ATP2B2: variants seen among roughly 807,000 people sequenced by gnomAD.
ATP2B2 encodes the protein plasma membrane calcium-transporting ATPase 2.
In ATP2B2, 15 loss-of-function variants were observed where a neutral mutation model predicts 120.0. That is an observed-to-expected ratio of 0.12 (90% CI 0.08 to 0.19). ATP2B2 has a LOEUF of 0.19. Ranked by LOEUF, ATP2B2 falls within the 10% of genes least tolerant of loss-of-function variation. The pLI is 1.00. For synonymous variants in ATP2B2, 694 were observed against 700.3 expected (o/e 0.99, Z 0.14); for missense variants, 1,045 against 1,719.8 (o/e 0.61, Z 6.94).
intron 7 of ATP2B2, 37 bp downstream of exon 7, chr3:10,386,443 C>G (rs867678949): frequency 1.2e-6 from 2 of 1,609,672 alleles, no homozygotes; most frequent in East Asian, 2.2e-5. Flanking sequence ...GCTGCTATTT[C>G]TAAAAGCCCA....
intron 1 of ATP2B2, among the ~76,000 whole-genome samples, chr3:10,652,524 T>C (rs749935981): frequency 6.6e-6 from 1 of 152,164 alleles, no homozygotes; most frequent in East Asian, 1.9e-4. Context: ...AAGTACTGTA[T>C]GTAGAGAGAC....
At chr3:10,597,048 C>T (rs138752081) in intron 2 of ATP2B2, among the ~76,000 whole-genome samples, 6 of 131,884 alleles carry the variant, frequency 4.5e-5, no homozygotes, top group East Asian at 2.2e-4. Flanking sequence ...CACACAGGTG[C>T]GCACACACAC....
At chr3:10,585,833 G>T (rs938613900) in intron 2 of ATP2B2, among the ~76,000 whole-genome samples, 1 of 152,088 alleles carries the variant, frequency 6.6e-6, no homozygotes, top group African/African-American at 2.4e-5. Flanking sequence ...CTGTTTGGTA[G>T]TGCCCTCAAA....
chr3:10,696,305 C>G (rs1038430951), intron 1 of ATP2B2, among the ~76,000 whole-genome samples: 3 of 152,164 alleles, frequency 2.0e-5, no homozygotes, highest in Non-Finnish European at 4.4e-5. Context: ...TTCCTGCAAA[C>G]TTTGGGGAAA....
At chr3:10,466,332 G>C (rs2064740022) in intron 1 of ATP2B2, among the ~76,000 whole-genome samples, 1 of 152,212 alleles carries the variant, frequency 6.6e-6, no homozygotes, top group Non-Finnish European at 1.5e-5. Flanking sequence ...ATAGATGCGT[G>C]TCTGTGCAGG....
At chr3:10,483,488 G>C (rs2065497627) in intron 1 of ATP2B2, among the ~76,000 whole-genome samples, 1 of 152,196 alleles carries the variant, frequency 6.6e-6, no homozygotes, top group Non-Finnish European at 1.5e-5. Flanking sequence ...GGCAATCCTG[G>C]CTCCTGGCCC....
chr3:10,444,550 G>A (rs1168840195), intron 2 of ATP2B2, among the ~76,000 whole-genome samples: 2 of 152,158 alleles, frequency 1.3e-5, no homozygotes, highest in South Asian at 2.1e-4. Context: ...CGGAGGTTCC[G>A]TTTCACAGCA....
At chr3:10,577,726 T>C (rs2068286895) in intron 2 of ATP2B2, among the ~76,000 whole-genome samples, 1 of 152,176 alleles carries the variant, frequency 6.6e-6, no homozygotes, top group Admixed American at 6.5e-5. Context: ...CTCATGGGGA[T>C]GCATTCCCGG....
intron 3 of ATP2B2, among the ~76,000 whole-genome samples, chr3:10,405,029 G>A (rs2062362436): frequency 1.3e-5 from 2 of 152,174 alleles, no homozygotes; most frequent in Admixed American, 1.3e-4. Context: ...AAGCTTTCGG[G>A]TTCTGGAATC....
intron 1 of ATP2B2, among the ~76,000 whole-genome samples, chr3:10,637,914 T>C (rs1409085068): frequency 6.6e-6 from 1 of 151,396 alleles, no homozygotes; most frequent in Admixed American, 6.6e-5. Context: ...AAAAAAAGCA[T>C]TGTAACAGAA....
intron 1 of ATP2B2, among the ~76,000 whole-genome samples, chr3:10,701,996 C>T (rs1218554123): frequency 6.6e-6 from 1 of 152,178 alleles, no homozygotes; most frequent in Non-Finnish European, 1.5e-5. Flanking sequence ...GTTCTTCTCA[C>T]AACCTCCCCC....
chr3:10,330,719 C>T (rs1289915121), intron 22 of ATP2B2, among the ~76,000 whole-genome samples: 1 of 152,206 alleles, frequency 6.6e-6, no homozygotes, highest in Non-Finnish European at 1.5e-5. Flanking sequence ...CTCAGCGGAA[C>T]CCAGGGGTAG....
At chr3:10,497,043 G>A (rs1287822328) in intron 1 of ATP2B2, among the ~76,000 whole-genome samples, 1 of 152,258 alleles carries the variant, frequency 6.6e-6, no homozygotes, top group Admixed American at 6.5e-5. Flanking sequence ...AGGATGGTTG[G>A]CAGGCTCTGC....
chr3:10,476,214 C>A (rs1284790378), intron 1 of ATP2B2, among the ~76,000 whole-genome samples: 2 of 152,194 alleles, frequency 1.3e-5, no homozygotes, highest in Non-Finnish European at 2.9e-5. Flanking sequence ...TGCCCCAGAT[C>A]AGGCCATCTT....
rs533727124 is a variant in ATP2B2, at chr3:10,617,149, G to A, written c.-415+2768C>T. 3.3e-5 allele frequency among the ~76,000 whole-genome samples: 5 copies of A among 152,290 alleles called. 1 individual carries two copies. In the South Asian group the frequency reaches 8.3e-4, roughly 25 times the overall value. On this transcript the variant is annotated intron_variant, in intron 2 of 21. Coordinates refer to the ATP2B2 transcript ENST00000646379. ...TATAAATACTGCTGTGATACACATCGTTGTAGATCAATCTTTGTATACATT... is the reference window on the plus strand; with the variant it reads ...TATAAATACTGCTGTGATACACATCATTGTAGATCAATCTTTGTATACATT...
At chr3:10,399,191 C>G (rs1396593551) in intron 5 of ATP2B2, among the ~76,000 whole-genome samples, 1 of 152,226 alleles carries the variant, frequency 6.6e-6, no homozygotes, top group African/African-American at 2.4e-5. Flanking sequence ...CCCAAGGATG[C>G]TCTGTCTGTC....
intron 1 of ATP2B2, among the ~76,000 whole-genome samples, chr3:10,683,756 G>GTGTGTGTGTGTA (rs1171329562): frequency 4.4e-4 from 13 of 29,704 alleles, no homozygotes; most frequent in African/African-American, 1.9e-3. Flanking sequence ...ATATGTGTGT[G>GTGTGTGTGTGTA]TGTGTATATA....
chr3:10,386,031 T>G, intron 7 of ATP2B2, among the ~76,000 whole-genome samples: 1 of 152,248 alleles, frequency 6.6e-6, no homozygotes, highest in Non-Finnish European at 1.5e-5. Flanking sequence ...ATGGCTAAAT[T>G]CACACCTTTT....
At chr3:10,531,396 T>A (rs1035976004) in intron 3 of ATP2B2, among the ~76,000 whole-genome samples, 1 of 152,264 alleles carries the variant, frequency 6.6e-6, no homozygotes, top group Non-Finnish European at 1.5e-5. Flanking sequence ...AGAGCCATAC[T>A]ACCTGGGTTC....
Sources: allele counts gnomAD v4.1 joint callset (sites outside exome capture counted in the v4.1 genomes callset), GRCh38; gene constraint gnomAD v4.1.1; transcripts MANE v1.5; gene names NCBI Gene and HGNC (gene_info 2026-07-23, HGNC 2026-07-21).